CROCC2: variants seen among roughly 807,000 people sequenced by gnomAD.
The protein encoded by CROCC2 is ciliary rootlet coiled-coil protein 2.
CROCC2 carries 163 observed loss-of-function variants against 177.6 expected under a neutral mutation model. That is an observed-to-expected ratio of 0.92 (90% CI 0.81 to 1.05). The LOEUF is 1.05. Among genes scored for constraint, CROCC2 ranks in the 50% least tolerant of loss-of-function variants. The probability of loss-of-function intolerance (pLI) is 0.00; values close to 1 mark genes in which losing one functional copy is unlikely to be tolerated. For missense variants in CROCC2, 1,929 were observed against 1,797.8 expected, an observed-to-expected ratio of 1.07 and a Z score of -1.32; for synonymous variants, 904 against 787.3, an observed-to-expected ratio of 1.15 and a Z score of -2.48.
chr2:240,937,155 T>C (rs1042116469), intron 14 of CROCC2, among the ~76,000 whole-genome samples: 1 of 152,364 alleles, frequency 6.6e-6, no homozygotes, highest in Admixed American at 6.5e-5. Flanking sequence ...GTTGCTCCTC[T>C]GCCTTCTCGA....
Position 240,932,887 on chromosome 2 carries a change from G to A in CROCC2, c.1230G>A (p.Glu410=). The part of the protein sequence containing the change: ...PALQAMRAAI[E]RRWRREQELC... Reference sequence around the variant, plus strand: ...TGCAGGCCATGCGGGCAGCCATAGAGAGGCGGTGGCGGCGGGAACAGGTGG... The same window carrying A: ...TGCAGGCCATGCGGGCAGCCATAGAAAGGCGGTGGCGGCGGGAACAGGTGG... Residue 410 remains glutamate, a synonymous_variant, in exon 9 of 32, where the codon GAG becomes GAA. Transcript: ENST00000690015. 6.5e-7 allele frequency: 1 copy of A among 1,547,382 alleles called. No homozygotes were observed. The highest frequency in any genetic ancestry group is 8.7e-7 in the Non-Finnish European group (1 of 1,146,182).
rs779669594 is a variant in CROCC2 at position 240,946,222 on chromosome 2, C to T, written c.2332C>T (p.Arg778Trp). Residue 778 changes from arginine to tryptophan, a missense_variant, in exon 15 of 32, where the codon CGG becomes TGG. Coordinates refer to ENST00000690015, the MANE Select transcript of CROCC2 (RefSeq NM_001351305.2). ...GCAGGAGGCCTTGGAGAGGCAGGGC[C>T]GGCTCGCAGCTGAAGAGGCAGCTGA... ...AKQEALERQG[R>W]LAAEEAADLR... 21 of 1,540,224 alleles carry T rather than the reference C, an allele frequency of 1.4e-5. No homozygotes were observed. Among genetic ancestry groups the T allele is most frequent in the South Asian group, 7.2e-5 (6 of 83,640 alleles).
chr2:240,970,795 G>A (rs889240564), intron 27 of CROCC2, among the ~76,000 whole-genome samples: 6 of 152,172 alleles, frequency 3.9e-5, no homozygotes, highest in African/African-American at 9.7e-5. Flanking sequence ...CACACCTGGT[G>A]CACTACTTTT....
chr2:240,953,049 T>A lies in CROCC2; in HGVS notation c.2829+2539T>A, dbSNP rs1339482900. On this transcript the variant is annotated intron_variant, in intron 18 of 31. Transcript: ENST00000690015. This position sits in a 1 kb window ranked among gnomAD's most constrained non-coding sequence, Gnocchi z 4.0. Reference sequence around the variant, plus strand: ...AGACCAACCACTGGGCAACGTGGCCTGTTCTCATGTGGTTATTTAATCCCA... The same window carrying A: ...AGACCAACCACTGGGCAACGTGGCCAGTTCTCATGTGGTTATTTAATCCCA... 2.6e-5 allele frequency among the ~76,000 whole-genome samples: 4 copies of A among 151,946 alleles called. No individual in the cohort carries two copies. Among genetic ancestry groups the A allele is most frequent in the South Asian group, 4.2e-4 (2 of 4,790 alleles).
intron 14 of CROCC2, among the ~76,000 whole-genome samples, chr2:240,940,507 T>C (rs1472000647): frequency 2.6e-5 from 4 of 152,206 alleles, no homozygotes; most frequent in Admixed American, 2.0e-4. Flanking sequence ...CATGATCAAG[T>C]GGGTTTCATA....
At position 240,972,306 on chromosome 2, in the gene CROCC2, C is replaced by T. The variant is rs960147136; in HGVS notation, c.4401+4044C>T. On this transcript the variant is annotated intron_variant, in intron 27 of 31. Transcript: ENST00000690015. This position sits in a 1 kb window ranked among gnomAD's most constrained non-coding sequence, Gnocchi z 7.1. ...AGCCATGGGGAATATGGGGAGCCAG[C>T]AGTGGAGTTCTGGCCCTCCCGGAGC... Among the ~76,000 whole-genome samples, 4 of 152,136 alleles carry T rather than the reference C, an allele frequency of 2.6e-5. No individual in the cohort carries two copies. The highest frequency in any genetic ancestry group is 9.7e-5 in the African/African-American group (4 of 41,444).
intron 27 of CROCC2, among the ~76,000 whole-genome samples, chr2:240,975,493 T>C (rs2059753848): frequency 6.6e-6 from 1 of 152,096 alleles, no homozygotes; most frequent in Non-Finnish European, 1.5e-5. Context: ...GATAAATGGG[T>C]ATGAGGCTGA....
chr2:240,971,610 C>T (rs4234091), intron 27 of CROCC2, among the ~76,000 whole-genome samples: 50,264 of 151,994 alleles, frequency 0.33, 11,021 homozygotes, highest in African/African-American at 0.63. Context: ...AAAATGTGGG[C>T]GTGTCGGCCC....
chr2:240,963,637 A>G lies in CROCC2; in HGVS notation c.3169A>G (p.Ser1057Gly). 6.5e-7 allele frequency: 1 copy of G among 1,549,530 alleles called. No individual in the cohort carries two copies. The highest frequency in any genetic ancestry group is 8.7e-7 in the Non-Finnish European group (1 of 1,146,708). Residue 1057 changes from serine (S) to glycine (G), a missense_variant, in exon 21 of 32, where the codon AGC becomes GGC. Around this residue, in one of 3 missense-constraint regions of CROCC2, gnomAD observed 1,397 missense variants for 1,239.9 expected, o/e 1.13. Coordinates refer to ENST00000690015, the MANE Select transcript of CROCC2 (RefSeq NM_001351305.2). ...LRQELQGVEESREGLHREAQE... is the reference protein window; with the variant it reads ...LRQELQGVEEGREGLHREAQE... ...CCAGGAGCTGCAGGGCGTCGAGGAG[A>G]GCCGGGAGGGGCTGCACAGGGAGGC...
intron 27 of CROCC2, among the ~76,000 whole-genome samples, chr2:240,969,169 AATGAGGGAGGCCTGGGTGAGCCATC>A (rs2059705080): frequency 1.3e-5 from 2 of 152,192 alleles, no homozygotes; most frequent in South Asian, 4.1e-4. Flanking sequence ...GTGTCCCTCC[AATGAGGGAGGCCTGGGTGAGCCATC>A]AGGAGGGACG....
intron 3 of CROCC2, 128 bp downstream of exon 3, chr2:240,920,262 T>G (rs2106454073): frequency 1.7e-6 from 1 of 581,606 alleles, no homozygotes; most frequent in African/African-American, 1.9e-5. Flanking sequence ...AAAGACAGAG[T>G]GTCAGCCACG....
intron 20 of CROCC2, among the ~76,000 whole-genome samples, chr2:240,961,687 G>A (rs948558702): frequency 7.2e-6 from 1 of 139,138 alleles, no homozygotes; most frequent in Admixed American, 7.2e-5. Flanking sequence ...TGCATGCACA[G>A]GCATACGGAC....
chr2:240,990,570 G>GTGTTTTGTTT (rs368000484), intron 30 of CROCC2, among the ~76,000 whole-genome samples: 82 of 152,096 alleles, frequency 5.4e-4, no homozygotes, highest in Non-Finnish European at 6.9e-4. Context: ...ATCATTCTGA[G>GTGTTTTGTTT]TGTTTTGTTT....
Position 240,982,931 on chromosome 2 carries a change from C to A in CROCC2, c.4453C>A (p.Gln1485Lys), listed in dbSNP as rs2059811269. The change falls in exon 28 of 32, where the codon CAA (glutamine) becomes AAA (lysine). Residue 1485 changes from glutamine (Q) to lysine (K), a missense_variant. Coordinates refer to ENST00000690015, the MANE Select transcript of CROCC2 (RefSeq NM_001351305.2). The surrounding 1 kb of genome is among the most constrained non-coding windows in gnomAD (Gnocchi z 4.7). ...TCTTGAAGAGAGCAGGAGGCACAGC[C>A]AAGGTCTGGCCAAGCAGGGGAAGCT... ...QALEESRRHSQGLAKQGKLLE... is the reference protein window; with the variant it reads ...QALEESRRHSKGLAKQGKLLE... 2 of 1,550,348 alleles carry A rather than the reference C, an allele frequency of 1.3e-6. No individual in the cohort carries two copies. The highest frequency in any genetic ancestry group is 2.4e-5 in the South Asian group (2 of 84,038).
rs1188192189 is a variant in CROCC2 at position 240,988,615 on chromosome 2, G to A, written c.4552-124G>A. On this transcript the variant is annotated intron_variant, in intron 28 of 31. Transcript: ENST00000690015. ...GGCCCAGGGCAGTGCCCTTCCTGAC[G>A]CTGCCAGCTCTTAGGGGAATTCAGA... The A allele has an allele frequency of 3.1e-5, 32 of 1,040,564 alleles. No homozygotes were observed. In the East Asian group the frequency reaches 3.5e-4, roughly 11 times the overall value. The allele number at this position is 1,040,564 out of a possible 1,614,324, so 64.5% of individuals were successfully genotyped here.
intron 5 of CROCC2, among the ~76,000 whole-genome samples, chr2:240,928,781 T>G (rs1040926003): frequency 1.3e-5 from 2 of 151,542 alleles, no homozygotes; most frequent in African/African-American, 4.9e-5. Flanking sequence ...TCGGAGGGCG[T>G]GCAGACAGGG....
In CROCC2 at chr2:240,964,968, G is replaced by A. The variant is rs550720666; in HGVS notation, c.3465+343G>A. Among the ~76,000 whole-genome samples the A allele has an allele frequency of 3.9e-5, 6 of 152,346 alleles. No homozygotes were observed. In the East Asian group the frequency reaches 7.7e-4, roughly 20 times the overall value. On this transcript the variant is annotated intron_variant, in intron 22 of 31. Coordinates refer to ENST00000690015, the MANE Select transcript of CROCC2 (RefSeq NM_001351305.2). ...CATGCAACACCTTCCGGTGGCGCTC[G>A]GGAACTCAGGCAGGCTAGAGGGGAG...
intron 15 of CROCC2, 115 bp downstream of exon 15, chr2:240,946,368 T>C (rs2059524696): frequency 2.7e-6 from 3 of 1,094,214 alleles, no homozygotes; most frequent in East Asian, 2.7e-5. Flanking sequence ...GGAGGGAGCG[T>C]GTGCCCATGA....
At chr2:240,923,532 A>C (rs1574749807) in intron 4 of CROCC2, among the ~76,000 whole-genome samples, 1 of 58,238 alleles carries the variant, frequency 1.7e-5, no homozygotes, top group Non-Finnish European at 3.1e-5. Context: ...AGCCCCCCAC[A>C]CTAACCCGGC....
Sources: gnomAD v4.1 joint callset for allele counts (sites outside exome capture counted in the v4.1 genomes callset) on GRCh38, gnomAD v4.1.1 for gene constraint, gnomAD v4.1.1 regional missense constraint, Gnocchi (gnomAD v3.1) non-coding constraint, MANE v1.5 for transcripts, NCBI Gene and HGNC (gene_info 2026-07-23, HGNC 2026-07-21) for gene names.